Variants in DCLK1 observed in about 807,000 individuals in gnomAD.
DCLK1 encodes serine/threonine-protein kinase DCLK1.
Under a neutral mutation model 86.2 loss-of-function variants are expected in DCLK1, and 16 were observed. The observed-to-expected ratio is 0.19, with a 90% CI of 0.13 to 0.28. DCLK1 has a LOEUF of 0.28. Ranked by LOEUF, DCLK1 falls within the 10% of genes least tolerant of loss-of-function variation. The pLI is 1.00. For synonymous variants in DCLK1, 369 were observed against 370.5 expected, an observed-to-expected ratio of 1.00 and a Z score of 0.05; for missense variants, 590 against 940.2, an observed-to-expected ratio of 0.63 and a Z score of 4.87.
At chr13:35,888,741 A>G (rs1873452926) in intron 4 of DCLK1, among the ~76,000 whole-genome samples, 2 of 152,258 alleles carry the variant, frequency 1.3e-5, no homozygotes, top group South Asian at 4.1e-4. Flanking sequence ...GCCATCAAAC[A>G]AATCAGTCAT....
chr13:35,968,131 T>C (rs758970282), intron 3 of DCLK1, among the ~76,000 whole-genome samples: 3 of 152,158 alleles, frequency 2.0e-5, no homozygotes, highest in Non-Finnish European at 2.9e-5. Flanking sequence ...AATGAGTCCA[T>C]CACAAAAGAC....
intron 16 of DCLK1, among the ~76,000 whole-genome samples, chr13:35,790,069 G>A (rs1472254932): frequency 6.6e-6 from 1 of 152,068 alleles, no homozygotes; most frequent in Non-Finnish European, 1.5e-5. Context: ...TGAACCTCCA[G>A]CTGGTAATTA....
intron 4 of DCLK1, among the ~76,000 whole-genome samples, chr13:35,933,493 C>T (rs1295732494): frequency 1.3e-5 from 2 of 152,246 alleles, no homozygotes; most frequent in African/African-American, 4.8e-5. Flanking sequence ...GGCATCCAGG[C>T]ATTTCCATAC....
chr13:35,888,874 A>T (rs1359801152), intron 4 of DCLK1, among the ~76,000 whole-genome samples: 1 of 152,220 alleles, frequency 6.6e-6, no homozygotes. Flanking sequence ...TTGCAATGGT[A>T]TGTAAACTGC....
At chr13:36,072,864 T>C (rs1291519211) in intron 3 of DCLK1, among the ~76,000 whole-genome samples, 1 of 152,250 alleles carries the variant, frequency 6.6e-6, no homozygotes, top group Non-Finnish European at 1.5e-5. Flanking sequence ...CTGGAAATTA[T>C]GTAATATAAG....
At chr13:36,034,534 A>G (rs1465486042) in intron 3 of DCLK1, among the ~76,000 whole-genome samples, 1 of 152,214 alleles carries the variant, frequency 6.6e-6, no homozygotes, top group East Asian at 1.9e-4. Context: ...ACTGCTTTAA[A>G]TTAAAAAATT....
chr13:35,851,453 T>C (rs912651678), intron 6 of DCLK1, among the ~76,000 whole-genome samples: 13 of 152,038 alleles, frequency 8.6e-5, no homozygotes, highest in Non-Finnish European at 1.6e-4. Flanking sequence ...AGAGAGCGTC[T>C]AGAGTTGGCT....
At chr13:35,899,271 A>T (rs1446151636) in intron 4 of DCLK1, among the ~76,000 whole-genome samples, 1 of 151,846 alleles carries the variant, frequency 6.6e-6, no homozygotes, top group Non-Finnish European at 1.5e-5. Flanking sequence ...AAGCCCCAGG[A>T]TAATAATATG....
intron 3 of DCLK1, among the ~76,000 whole-genome samples, chr13:36,042,319 TC>T (rs528439988): frequency 1.4e-4 from 21 of 152,332 alleles, no homozygotes; most frequent in African/African-American, 5.0e-4. Context: ...CTTTCTCATT[TC>T]CTTTTTCATT....
In DCLK1 at chr13:35,793,396, A is replaced by G; in HGVS notation, c.2028T>C (p.Asn676=). The change falls in exon 16 of 17, where the codon AAT becomes AAC. Residue 676 remains asparagine (N), a synonymous_variant. Coordinates refer to ENST00000360631, the MANE Select transcript of DCLK1 (RefSeq NM_001330071.2). ...KKHFNTGPKP[N]STAAGVSVIA... is the part of the protein sequence containing the mutation. ...TGACAGAAACTCCAGCTGCTGTGCT[A>G]TTCGGCTTGGGGCCTGTGTTGAAAT... The G allele has an allele frequency of 1.2e-6, 2 of 1,609,140 alleles. No homozygotes were observed. The highest frequency in any genetic ancestry group is 1.7e-5 in the Admixed American group (1 of 59,486).
intron 11 of DCLK1, among the ~76,000 whole-genome samples, chr13:35,818,656 G>T (rs1418488561): frequency 6.6e-6 from 1 of 152,102 alleles, no homozygotes; most frequent in Non-Finnish European, 1.5e-5. Context: ...TCATAAGGAG[G>T]AGGCATCTGT....
rs1016841580 is a variant in DCLK1, at chr13:35,913,652, T to C, written c.823+33706A>G. On this transcript the variant is annotated intron_variant, in intron 4 of 16. Coordinates refer to ENST00000360631, the MANE Select transcript of DCLK1 (RefSeq NM_001330071.2). ...TTCTTAAAACTCTGACTATGCAGAC[T>C]CCTCACAATGTTAGGCAGAAACAGA... 3.9e-5 allele frequency among the ~76,000 whole-genome samples: 6 copies of C among 152,310 alleles called. No homozygotes were observed. In the East Asian group the frequency reaches 9.6e-4, roughly 24 times the overall value.
chr13:35,798,180 C>A (rs1241682981), intron 15 of DCLK1, among the ~76,000 whole-genome samples: 1 of 152,136 alleles, frequency 6.6e-6, no homozygotes, highest in Non-Finnish European at 1.5e-5. Flanking sequence ...ACCTGGCCTC[C>A]TGGTCTCCAT....
intron 4 of DCLK1, among the ~76,000 whole-genome samples, chr13:35,882,130 G>A (rs1168362614): frequency 6.6e-6 from 1 of 152,148 alleles, no homozygotes; most frequent in Non-Finnish European, 1.5e-5. Flanking sequence ...CTCTCCAAAA[G>A]CTCTAGAATG....
chr13:36,128,863 A>G (rs1886275910), intron 1 of DCLK1, among the ~76,000 whole-genome samples: 1 of 152,106 alleles, frequency 6.6e-6, no homozygotes. Flanking sequence ...AACAGAACCA[A>G]TTTTTGTCCA....
At chr13:35,959,551 C>T (rs547984299) in intron 3 of DCLK1, among the ~76,000 whole-genome samples, 1 of 151,882 alleles carries the variant, frequency 6.6e-6, no homozygotes, top group Non-Finnish European at 1.5e-5. Context: ...TTTGAAAGCC[C>T]CTGATTTTTA....
Position 35,970,829 on chromosome 13 carries a change from G to T in DCLK1, c.724-23372C>A, listed in dbSNP as rs374398045. 4.6e-5 allele frequency among the ~76,000 whole-genome samples: 7 copies of T among 152,270 alleles called. No individual in the cohort carries two copies. The South Asian group carries it at 1.0e-3, about 23-fold the overall frequency. On this transcript the variant is annotated intron_variant, in intron 3 of 16. Transcript: ENST00000360631. ...CAATTAATTTCACAGATATCTTGTG[G>T]GGAGAATTGGTGAGGTCAAAAGCAG...
At chr13:36,019,574 T>A (rs2153150212) in intron 3 of DCLK1, among the ~76,000 whole-genome samples, 1 of 152,334 alleles carries the variant, frequency 6.6e-6, no homozygotes, top group Admixed American at 6.5e-5. Context: ...CTTCTTCATA[T>A]CCCTGAAGCT....
chr13:35,823,038 A>G (rs2153105055), intron 10 of DCLK1, among the ~76,000 whole-genome samples, 163 bp from the exon 11 acceptor site: 1 of 152,244 alleles, frequency 6.6e-6, no homozygotes, highest in South Asian at 2.1e-4. Flanking sequence ...TCGAAGGCTG[A>G]ATGGTGATTT....
Sources: allele counts gnomAD v4.1 joint callset (sites outside exome capture counted in the v4.1 genomes callset), GRCh38; gene constraint gnomAD v4.1.1; transcripts MANE v1.5; gene names NCBI Gene and HGNC (gene_info 2026-07-23, HGNC 2026-07-21).